The following XKR3 variants were observed in gnomAD, a reference collection of about 807,000 sequenced individuals.
XKR3 encodes the protein XK-related protein 3.
Under a neutral mutation model 40.3 loss-of-function variants are expected in XKR3, and 27 were observed. That is an observed-to-expected ratio of 0.67 (90% confidence interval 0.49 to 0.92). The LOEUF (loss-of-function observed/expected upper bound fraction) is 0.92. Among genes scored for constraint, XKR3 ranks in the 40% least tolerant of loss-of-function variants. The pLI is 0.00. For missense variants in XKR3, 472 were observed against 537.6 expected (o/e 0.88, Z 1.21); for synonymous variants, 193 against 195.4 (o/e 0.99, Z 0.10).
At chr22:16,821,463 T>C (rs181847376) in intron 1 of XKR3, 2 of 152,254 alleles carry the variant, frequency 1.3e-5, no homozygotes, top group Admixed American at 1.3e-4. Context: ...AGCTGCAACT[T>C]TGTACACAAA....
chr22:16,824,452 G>A (rs1360142815), intron 1 of XKR3, among the ~76,000 whole-genome samples: 1 of 151,750 alleles, frequency 6.6e-6, no homozygotes, highest in African/African-American at 2.4e-5. Flanking sequence ...GCAGCTACCA[G>A]ATACCCACAA....
intron 1 of XKR3, among the ~76,000 whole-genome samples, chr22:16,815,875 A>G (rs1481340789): frequency 6.6e-6 from 1 of 151,922 alleles, no homozygotes; most frequent in Admixed American, 6.6e-5. Context: ...TGTGACTGTT[A>G]TATATCTTTA....
intron 1 of XKR3, among the ~76,000 whole-genome samples, chr22:16,812,291 C>T (rs568705553): frequency 6.6e-6 from 1 of 152,314 alleles, no homozygotes; most frequent in South Asian, 2.1e-4. Flanking sequence ...ATATACATTC[C>T]TGTTAAGGCT....
chr22:16,798,167 T>A (rs182060906), intron 3 of XKR3, among the ~76,000 whole-genome samples: 74 of 128,760 alleles, frequency 5.7e-4, no homozygotes, highest in African/African-American at 2.1e-3. Context: ...GCAACAAGAG[T>A]GAAACTCCAT....
intron 1 of XKR3, among the ~76,000 whole-genome samples, chr22:16,822,604 G>A (rs191062217): frequency 3.3e-5 from 5 of 152,174 alleles, no homozygotes; most frequent in South Asian, 4.1e-4. Flanking sequence ...CAATTACTAC[G>A]GAAGAGATGG....
intron 1 of XKR3, among the ~76,000 whole-genome samples, chr22:16,809,332 CT>C (rs2060203371): frequency 2.0e-5 from 3 of 151,988 alleles, no homozygotes; most frequent in Non-Finnish European, 4.4e-5. Context: ...TGATCTTTTT[CT>C]CTTTTGTGTA....
chr22:16,785,352 C>G (rs1338434289), intron 3 of XKR3, among the ~76,000 whole-genome samples: 3 of 151,622 alleles, frequency 2.0e-5, no homozygotes, highest in Admixed American at 6.6e-5. Flanking sequence ...TGTGTGTGTG[C>G]ATGTGTGTGA....
chr22:16,807,707 G>A lies in XKR3; in HGVS notation c.335+32C>T, dbSNP rs768714605. On this transcript the variant is annotated intron_variant, in intron 2 of 3. Coordinates refer to ENST00000684488, the MANE Select transcript of XKR3 (RefSeq NM_001386955.1). ...ATTTATATTCAATTTACTTGTTGGAGGCAGTGAATGAGAAATATTTGTGTC... is the reference window on the plus strand; with the variant it reads ...ATTTATATTCAATTTACTTGTTGGAAGCAGTGAATGAGAAATATTTGTGTC... The A allele has an allele frequency of 1.1e-5, 16 of 1,502,148 alleles. No individual in the cohort carries two copies. The South Asian group carries it at 2.0e-4, about 19-fold the overall frequency. 93.1% of individuals were successfully genotyped at this position (1,502,148 alleles called of 1,614,324 possible). A position where few individuals can be genotyped will look rare whatever the true frequency, so the allele number is the denominator to read the frequency against.
At chr22:16,821,930 T>C (rs1437923195) in intron 1 of XKR3, among the ~76,000 whole-genome samples, 48 of 152,116 alleles carry the variant, frequency 3.2e-4, no homozygotes, top group Admixed American at 3.1e-3. Context: ...GCATTTATTT[T>C]TATTATTTTT....
intron 3 of XKR3, among the ~76,000 whole-genome samples, chr22:16,786,195 A>C (rs1179979901): frequency 2.5e-4 from 38 of 151,968 alleles, no homozygotes; most frequent in African/African-American, 8.7e-4. Context: ...GGATCACTAG[A>C]GCCCAGGAGT....
chr22:16,800,087 G>T, intron 2 of XKR3, 63 bp from the exon 3 acceptor site: 1 of 1,556,866 alleles, frequency 6.4e-7, no homozygotes, highest in South Asian at 1.2e-5. Flanking sequence ...AGAAATATTT[G>T]AAAGTTTATC....
intron 3 of XKR3, among the ~76,000 whole-genome samples, chr22:16,787,348 C>T (rs2060094973): frequency 2.0e-5 from 3 of 151,966 alleles, no homozygotes; most frequent in Admixed American, 6.6e-5. Context: ...CACATGTGGT[C>T]AGGAGTTTCA....
intron 1 of XKR3, among the ~76,000 whole-genome samples, chr22:16,822,966 C>T (rs1219189538): frequency 1.3e-5 from 2 of 152,130 alleles, no homozygotes; most frequent in East Asian, 3.8e-4. Flanking sequence ...TCACTGAAGC[C>T]TCAACCTCCA....
intron 1 of XKR3, among the ~76,000 whole-genome samples, chr22:16,815,401 A>T (rs554726766): frequency 6.6e-6 from 1 of 152,120 alleles, no homozygotes; most frequent in East Asian, 1.9e-4. Flanking sequence ...ATTTGTCTGT[A>T]ACATTCTTTT....
intron 1 of XKR3, among the ~76,000 whole-genome samples, chr22:16,809,176 T>G (rs1480204824): frequency 6.6e-6 from 1 of 152,228 alleles, no homozygotes; most frequent in Non-Finnish European, 1.5e-5. Flanking sequence ...TCTTTAAATT[T>G]TATGCTGCAG....
At chr22:16,811,173 C>G (rs2060210932) in intron 1 of XKR3, among the ~76,000 whole-genome samples, 1 of 148,214 alleles carries the variant, frequency 6.7e-6, no homozygotes, top group South Asian at 2.1e-4. Context: ...GTTGCTCAGG[C>G]AGAAGTGGCA....
At chr22:16,798,407 C>T (rs1164106081) in intron 3 of XKR3, among the ~76,000 whole-genome samples, 1 of 152,146 alleles carries the variant, frequency 6.6e-6, no homozygotes, top group African/African-American at 2.4e-5. Context: ...GTGGAAAGCA[C>T]TCTGGAAGTT....
At chr22:16,806,767 C>G (rs548008068) in intron 2 of XKR3, among the ~76,000 whole-genome samples, 1 of 151,968 alleles carries the variant, frequency 6.6e-6, no homozygotes, top group East Asian at 1.9e-4. Context: ...AATAACAAAA[C>G]AGTTAACAAT....
chr22:16,797,524 G>A (rs1307101429), intron 3 of XKR3, among the ~76,000 whole-genome samples: 2 of 152,182 alleles, frequency 1.3e-5, no homozygotes, highest in Non-Finnish European at 2.9e-5. Context: ...CAGGCGCAGT[G>A]GCTCGCGCCT....
Sources: allele counts gnomAD v4.1 joint callset (sites outside exome capture counted in the v4.1 genomes callset), GRCh38; gene constraint gnomAD v4.1.1; transcripts MANE v1.5; gene names NCBI Gene and HGNC (gene_info 2026-07-23, HGNC 2026-07-21).